Variants in FGFR2 observed in about 807,000 individuals in gnomAD.
FGFR2 encodes the protein BEK fibroblast growth factor receptor.
FGFR2 carries 19 observed loss-of-function variants against 95.9 expected under a neutral mutation model. The ratio of observed to expected loss-of-function variants is 0.20; its 90% confidence interval spans 0.14 to 0.29. The LOEUF (loss-of-function observed/expected upper bound fraction) is 0.29, where lower values mean the gene tolerates loss of function less well. Ranked by LOEUF, FGFR2 falls within the 10% of genes least tolerant of loss-of-function variation. The pLI, the probability that FGFR2 is intolerant of heterozygous loss-of-function variation, is 1.00. For synonymous variants in FGFR2, 392 were observed against 393.3 expected (o/e 1.00, Z 0.04); for missense variants, 707 against 1,056.9 (o/e 0.67, Z 4.59).
At chr10:121,504,415 G>C (rs1589782520) in intron 9 of FGFR2, among the ~76,000 whole-genome samples, 1 of 152,280 alleles carries the variant, frequency 6.6e-6, no homozygotes, top group South Asian at 2.1e-4. Context: ...TATTTCCTCT[G>C]TCTTTGGAAA....
intron 2 of FGFR2, among the ~76,000 whole-genome samples, chr10:121,572,297 G>A (rs1209165049): frequency 6.6e-6 from 1 of 152,052 alleles, no homozygotes; most frequent in Non-Finnish European, 1.5e-5. Context: ...CTGCCTGGGT[G>A]ACACAGCGAG....
In FGFR2 at chr10:121,496,592, C is replaced by T. The variant is rs756595803; in HGVS notation, c.1803G>A (p.Lys601=). The T allele has an allele frequency of 1.2e-6, 2 of 1,613,832 alleles. No homozygotes were observed. Among genetic ancestry groups the T allele is most frequent in the South Asian group, 1.1e-5 (1 of 91,064 alleles). ...NRVPEEQMTF[K]DLVSCTYQLA... is the part of the protein sequence containing the mutation. ...GCTGGTAGGTGCATGACACCAAGTC[C>T]TTGAAGGTCATCTGCTCCTCAGGAA... The change falls in exon 13 of 18, where the codon AAG becomes AAA. Residue 601 remains lysine (K), a synonymous_variant. Coordinates refer to ENST00000358487, the MANE Select transcript of FGFR2 (RefSeq NM_000141.5).
intron 9 of FGFR2, among the ~76,000 whole-genome samples, chr10:121,504,835 A>T (rs933001171): frequency 6.6e-6 from 1 of 152,288 alleles, no homozygotes; most frequent in East Asian, 1.9e-4. Flanking sequence ...CTATGGAAAA[A>T]AAAAGACTCA....
intron 9 of FGFR2, among the ~76,000 whole-genome samples, chr10:121,509,860 A>G (rs1269523813): frequency 6.6e-6 from 1 of 151,946 alleles, no homozygotes; most frequent in Non-Finnish European, 1.5e-5. Context: ...AAGCAGAAGC[A>G]AAGATGTTCC....
chr10:121,510,825 G>T lies in FGFR2; in HGVS notation c.1287+4292C>A, dbSNP rs918253733. 2.8e-5 allele frequency among the ~76,000 whole-genome samples: 3 copies of T among 108,190 alleles called. No homozygotes were observed. In the East Asian group the frequency reaches 6.6e-4, roughly 24 times the overall value. 71.0% of individuals were successfully genotyped at this position (108,190 alleles called of 152,430 possible). A position where few individuals can be genotyped will look rare whatever the true frequency, so the allele number is the denominator to read the frequency against. ...TTATTTTATTTTATTTGTGTGAGACGGAGTATCACTCTGTCACCAAGGCTG... is the reference window on the plus strand; with the variant it reads ...TTATTTTATTTTATTTGTGTGAGACTGAGTATCACTCTGTCACCAAGGCTG... On this transcript the variant is annotated intron_variant, in intron 9 of 17. Transcript: ENST00000358487.
chr10:121,515,213 C>T lies in FGFR2; in HGVS notation c.1191G>A (p.Leu397=), dbSNP rs377132080. 9 of 1,614,064 alleles carry T rather than the reference C, an allele frequency of 5.6e-6. No individual in the cohort carries two copies. The African/African-American group carries it at 1.1e-4, about 19-fold the overall frequency. Residue 397 remains leucine, a synonymous_variant, in exon 9 of 18, where the codon CTG becomes CTA. Transcript: ENST00000358487. The part of the protein sequence containing the change: ...LIACMVVTVI[L]CRMKNTTKKP... ...TCTTGGTCGTGTTCTTCATTCGGCA[C>T]AGGATGACTGTTACCACCATACAGG...
intron 9 of FGFR2, among the ~76,000 whole-genome samples, chr10:121,508,678 T>TA (rs1231923898): frequency 1.3e-5 from 2 of 152,214 alleles, no homozygotes; most frequent in South Asian, 2.1e-4. Context: ...AAGGATGACT[T>TA]ACGGGAATTT....
Position 121,478,617 on chromosome 10 carries a change from T to C in FGFR2, c.*1240A>G, listed in dbSNP as rs1403038230. 3 of 233,124 alleles carry C rather than the reference T, an allele frequency of 1.3e-5. No homozygotes were observed. The highest frequency in any genetic ancestry group is 6.0e-5 in the East Asian group (1 of 16,572). 14.4% of individuals were successfully genotyped at this position (233,124 alleles called of 1,614,324 possible). A position where few individuals can be genotyped will look rare whatever the true frequency, so the allele number is the denominator to read the frequency against. On this transcript the variant is annotated 3_prime_UTR_variant, in exon 18 of 18. Coordinates refer to ENST00000358487, the MANE Select transcript of FGFR2 (RefSeq NM_000141.5). ...TTGGTGAGGTCCTGCCAGAATTAGA[T>C]GAAAGCAATCCCTTAAAAAGATGGA...
At chr10:121,491,123 A>G (rs1846073937) in intron 13 of FGFR2, among the ~76,000 whole-genome samples, 1 of 152,146 alleles carries the variant, frequency 6.6e-6, no homozygotes, top group East Asian at 1.9e-4. Context: ...CTGGGCTCCA[A>G]CTATGCATTA....
chr10:121,587,699 C>T (rs1862035810), intron 2 of FGFR2, among the ~76,000 whole-genome samples: 1 of 152,158 alleles, frequency 6.6e-6, no homozygotes, highest in South Asian at 2.1e-4. Flanking sequence ...GAGATACCAT[C>T]TCACACAAGT....
At chr10:121,533,866 A>G (rs1852425499) in intron 6 of FGFR2, among the ~76,000 whole-genome samples, 1 of 152,130 alleles carries the variant, frequency 6.6e-6, no homozygotes, top group Non-Finnish European at 1.5e-5. Context: ...CACTTACCCC[A>G]GCTGAACCTG....
At chr10:121,523,291 GC>G (rs940166663) in intron 6 of FGFR2, among the ~76,000 whole-genome samples, 17 of 152,246 alleles carry the variant, frequency 1.1e-4, no homozygotes, top group African/African-American at 4.1e-4. Flanking sequence ...TCAAAGCTGG[GC>G]CCCTTCAGAC....
chr10:121,480,123 G>A, intron 17 of FGFR2, 102 bp from the exon 18 acceptor site: 1 of 1,204,356 alleles, frequency 8.3e-7, no homozygotes, highest in Non-Finnish European at 1.2e-6. Context: ...CCTGAAAGAA[G>A]GGAAGAGAAG....
intron 16 of FGFR2, 142 bp from the exon 17 acceptor site, chr10:121,483,945 G>A: frequency 1.5e-6 from 1 of 675,022 alleles, no homozygotes; most frequent in Non-Finnish European, 2.6e-6. Flanking sequence ...AGGGGGTCAT[G>A]AATCACTTTC....
intron 17 of FGFR2, among the ~76,000 whole-genome samples, chr10:121,483,434 A>C (rs1845017667): frequency 6.6e-6 from 1 of 152,154 alleles, no homozygotes; most frequent in Non-Finnish European, 1.5e-5. Context: ...CATACCCCGG[A>C]CTGCTCCACC....
chr10:121,579,076 T>C (rs1204098603), intron 2 of FGFR2, among the ~76,000 whole-genome samples: 2 of 152,176 alleles, frequency 1.3e-5, no homozygotes, highest in Non-Finnish European at 2.9e-5. Flanking sequence ...CCTCTGCCAG[T>C]AGTGAACGTG....
chr10:121,549,930 G>A (rs1289328521), intron 5 of FGFR2, among the ~76,000 whole-genome samples: 2 of 152,242 alleles, frequency 1.3e-5, no homozygotes, highest in East Asian at 3.9e-4. Flanking sequence ...AATAAATGTT[G>A]CTTAAAGCTA....
At chr10:121,504,664 A>C (rs527774825) in intron 9 of FGFR2, among the ~76,000 whole-genome samples, 1 of 152,296 alleles carries the variant, frequency 6.6e-6, no homozygotes, top group Non-Finnish European at 1.5e-5. Context: ...GCATCAATGG[A>C]AAGAAAATAC....
intron 5 of FGFR2, among the ~76,000 whole-genome samples, chr10:121,542,342 T>C (rs1853891095): frequency 6.6e-6 from 1 of 152,176 alleles, no homozygotes. Flanking sequence ...TTGCCTACTT[T>C]TTTCTTATTT....
Sources: gnomAD v4.1 joint callset for allele counts (sites outside exome capture counted in the v4.1 genomes callset) on GRCh38, gnomAD v4.1.1 for gene constraint, MANE v1.5 for transcripts, NCBI Gene and HGNC (gene_info 2026-07-23, HGNC 2026-07-21) for gene names.